The following ZNF521 variants were observed in gnomAD, a reference collection of about 807,000 sequenced individuals.
ZNF521 encodes the protein zinc finger protein 521.
Under a neutral mutation model 105.5 loss-of-function variants are expected in ZNF521, and 14 were observed. The observed-to-expected ratio is 0.13, with a 90% confidence interval of 0.09 to 0.21. The LOEUF is 0.21. Ranked by LOEUF, ZNF521 falls within the 10% of genes least tolerant of loss-of-function variation. The pLI, the probability that ZNF521 is intolerant of heterozygous loss-of-function variation, is 1.00. For missense variants in ZNF521, 1,233 were observed against 1,629.7 expected (o/e 0.76, Z 4.19); for synonymous variants, 635 against 606.0 (o/e 1.05, Z -0.70).
intron 5 of ZNF521, among the ~76,000 whole-genome samples, chr18:25,176,647 T>A (rs1041762533): frequency 6.6e-6 from 1 of 152,210 alleles, no homozygotes; most frequent in Non-Finnish European, 1.5e-5. Context: ...ATTCCACTGC[T>A]TTAATTTAAA....
intron 3 of ZNF521, among the ~76,000 whole-genome samples, chr18:25,237,177 G>A (rs1470866725): frequency 6.6e-6 from 1 of 152,046 alleles, no homozygotes; most frequent in Non-Finnish European, 1.5e-5. Flanking sequence ...TGTGGCACAC[G>A]GTATGTGTAC....
intron 4 of ZNF521, among the ~76,000 whole-genome samples, chr18:25,208,890 G>T (rs952210136): frequency 6.6e-6 from 1 of 152,072 alleles, no homozygotes; most frequent in Non-Finnish European, 1.5e-5. Context: ...GTCTTGCTAC[G>T]TTGCTTGGAC....
intron 3 of ZNF521, among the ~76,000 whole-genome samples, chr18:25,295,811 A>G (rs1911291053): frequency 6.6e-6 from 1 of 152,156 alleles, no homozygotes; most frequent in South Asian, 2.1e-4. Flanking sequence ...TCTCCAGGGT[A>G]TGGAGATATG....
chr18:25,270,364 C>T (rs903835989), intron 3 of ZNF521, among the ~76,000 whole-genome samples: 4 of 152,112 alleles, frequency 2.6e-5, no homozygotes, highest in African/African-American at 7.2e-5. Context: ...GGAGCTGGTA[C>T]CATTCCTTCT....
intron 7 of ZNF521, among the ~76,000 whole-genome samples, chr18:25,077,970 C>T (rs1315258407): frequency 1.3e-5 from 2 of 152,290 alleles, no homozygotes; most frequent in Non-Finnish European, 1.5e-5. Flanking sequence ...TGCTCTTCTT[C>T]TGACAGTTTC....
In ZNF521 at chr18:25,108,710, C is replaced by T. The variant is rs535833573; in HGVS notation, c.3659-16629G>A. On this transcript the variant is annotated intron_variant, in intron 5 of 7. Coordinates refer to ENST00000361524, the MANE Select transcript of ZNF521 (RefSeq NM_015461.3). ...CTCGATCTTGGCTCACTGCCATCTC[C>T]GCCTCCCTGGTTCAAGTGATTCTCC... 3.2e-4 allele frequency among the ~76,000 whole-genome samples: 49 copies of T among 152,246 alleles called. 1 individual carries two copies. The highest frequency in any genetic ancestry group is 5.2e-4 in the Admixed American group (8 of 15,302).
intron 3 of ZNF521, among the ~76,000 whole-genome samples, chr18:25,288,884 C>G (rs1658917266): frequency 6.6e-6 from 1 of 152,192 alleles, no homozygotes; most frequent in Non-Finnish European, 1.5e-5. Flanking sequence ...CAGACATCAG[C>G]CTTGCTCCAA....
At chr18:25,066,257 G>A (rs73943959) in intron 7 of ZNF521, among the ~76,000 whole-genome samples, 4,300 of 152,236 alleles carry the variant, frequency 0.028, 202 homozygotes, top group African/African-American at 0.097. Context: ...CGTTCCTAGA[G>A]CTTCTTGGGC....
chr18:25,161,268 T>C (rs2035246372), intron 5 of ZNF521, among the ~76,000 whole-genome samples: 1 of 152,142 alleles, frequency 6.6e-6, no homozygotes, highest in Non-Finnish European at 1.5e-5. Context: ...GGGGGAAGTT[T>C]TGTTTGGACA....
At chr18:25,218,993 A>G (rs1196002250) in intron 4 of ZNF521, among the ~76,000 whole-genome samples, 1 of 152,110 alleles carries the variant, frequency 6.6e-6, no homozygotes, top group African/African-American at 2.4e-5. Flanking sequence ...CAGCCTACGC[A>G]ACTTGAAGAC....
In ZNF521 at chr18:25,140,801, T is replaced by G. The variant is rs866527809; in HGVS notation, c.3659-48720A>C. On this transcript the variant is annotated intron_variant, in intron 5 of 7. Coordinates refer to ENST00000361524, the MANE Select transcript of ZNF521 (RefSeq NM_015461.3). ...AGATTTTTTAGTGTAGAAAACAAAG[T>G]GCACATACAACTGTGATGATGCCAA... 8.9e-4 allele frequency among the ~76,000 whole-genome samples: 136 copies of G among 152,294 alleles called. 1 individual carries two copies. Among genetic ancestry groups the G allele is most frequent in the African/African-American group, 3.1e-3 (130 of 41,576 alleles).
intron 4 of ZNF521, among the ~76,000 whole-genome samples, chr18:25,214,618 T>C (rs978100776): frequency 2.6e-5 from 4 of 152,214 alleles, no homozygotes; most frequent in Non-Finnish European, 5.9e-5. Flanking sequence ...ATTTTTAATT[T>C]CTATATTATG....
chr18:25,321,479 T>C (rs1257880516), intron 3 of ZNF521, among the ~76,000 whole-genome samples: 18 of 152,150 alleles, frequency 1.2e-4, no homozygotes, highest in Non-Finnish European at 2.9e-5. Flanking sequence ...AAGACACAGT[T>C]TCAGCCATCC....
At chr18:25,189,318 T>C (rs536827944) in intron 5 of ZNF521, among the ~76,000 whole-genome samples, 3 of 152,384 alleles carry the variant, frequency 2.0e-5, no homozygotes, top group Non-Finnish European at 2.9e-5. Flanking sequence ...AAATACATCC[T>C]GAATTTTTGC....
At chr18:25,271,628 T>A (rs907514227) in intron 3 of ZNF521, among the ~76,000 whole-genome samples, 2 of 152,116 alleles carry the variant, frequency 1.3e-5, no homozygotes, top group African/African-American at 4.8e-5. Context: ...TCTACAACCA[T>A]CTCATCTTTG....
intron 7 of ZNF521, among the ~76,000 whole-genome samples, chr18:25,088,219 C>CTTTT (rs549305074): frequency 1.4e-5 from 2 of 147,712 alleles, no homozygotes; most frequent in Non-Finnish European, 3.0e-5. Context: ...CTTTTCTTTT[C>CTTTT]TTTTTTTTTT....
At chr18:25,323,445 T>C (rs1439707119) in intron 2 of ZNF521, among the ~76,000 whole-genome samples, 1 of 152,012 alleles carries the variant, frequency 6.6e-6, no homozygotes, top group Non-Finnish European at 1.5e-5. Context: ...TAATTTTGCT[T>C]TTTAGAGATG....
At chr18:25,308,648 AT>A (rs368853777) in intron 3 of ZNF521, among the ~76,000 whole-genome samples, 20,218 of 115,268 alleles carry the variant, frequency 0.18, 2,098 homozygotes, top group Non-Finnish European at 0.21. Context: ...CCTTAATGAC[AT>A]CCCCCCCCCC....
intron 5 of ZNF521, among the ~76,000 whole-genome samples, chr18:25,185,210 T>G (rs1249161195): frequency 6.6e-6 from 1 of 152,138 alleles, no homozygotes; most frequent in Non-Finnish European, 1.5e-5. Context: ...ATTTATAACA[T>G]CTATACAAAA....
Sources: gnomAD v4.1 joint callset for allele counts (sites outside exome capture counted in the v4.1 genomes callset) on GRCh38, gnomAD v4.1.1 for gene constraint, MANE v1.5 for transcripts, NCBI Gene and HGNC (gene_info 2026-07-23, HGNC 2026-07-21) for gene names.